Variants in COL22A1 observed in about 807,000 individuals in gnomAD.
The protein encoded by COL22A1 is collagen alpha-1(XXII) chain.
A neutral mutation model predicts 248.9 loss-of-function variants in COL22A1; 221 were observed. The ratio of observed to expected loss-of-function variants is 0.89; its 90% CI spans 0.80 to 0.99. The LOEUF (loss-of-function observed/expected upper bound fraction) is 0.99. Among genes scored for constraint, COL22A1 ranks in the 50% least tolerant of loss-of-function variants. COL22A1 has a pLI of 0.00. For missense variants in COL22A1, 2,240 were observed against 2,179.0 expected (o/e 1.03, Z -0.56); for synonymous variants, 891 against 793.4 (o/e 1.12, Z -2.07).
chr8:138,901,358 GTTTTTTTTTTGTTTT>G (rs551672641), intron 1 of COL22A1, among the ~76,000 whole-genome samples: 3,221 of 131,530 alleles, frequency 0.024, 71 homozygotes, highest in Non-Finnish European at 0.03. Flanking sequence ...TTACTGGCAG[GTTTTTTTTTTGTTTT>G]TTTTTTTTTT....
At chr8:138,856,285 G>A (rs569951291) in intron 3 of COL22A1, among the ~76,000 whole-genome samples, 1 of 152,342 alleles carries the variant, frequency 6.6e-6, no homozygotes, top group South Asian at 2.1e-4. Context: ...GGGCTGCACT[G>A]TTCACTGTAT....
chr8:138,883,624 T>C (rs549283825), intron 1 of COL22A1, among the ~76,000 whole-genome samples: 5 of 152,270 alleles, frequency 3.3e-5, no homozygotes, highest in Non-Finnish European at 5.9e-5. Flanking sequence ...GATTGGATCA[T>C]GGGGGCAGTT....
intron 11 of COL22A1, 119 bp from the exon 12 acceptor site, chr8:138,796,976 A>T (rs537721788): frequency 1.4e-6 from 1 of 740,172 alleles, no homozygotes. Context: ...AGCTCTGCCC[A>T]GTAGCCACTA....
At chr8:138,684,096 A>G (rs1826158157) in intron 39 of COL22A1, among the ~76,000 whole-genome samples, 1 of 151,968 alleles carries the variant, frequency 6.6e-6, no homozygotes, top group Admixed American at 6.6e-5. Flanking sequence ...CATCTCTACT[A>G]AAAATATACA....
intron 59 of COL22A1, among the ~76,000 whole-genome samples, chr8:138,603,810 A>C (rs567892216): frequency 6.6e-6 from 1 of 152,218 alleles, no homozygotes; most frequent in Non-Finnish European, 1.5e-5. Context: ...CCTGAAGTTA[A>C]GAACGTGACC....
intron 12 of COL22A1, among the ~76,000 whole-genome samples, chr8:138,786,878 T>G (rs1331203837): frequency 6.6e-6 from 1 of 152,000 alleles, no homozygotes; most frequent in Non-Finnish European, 1.5e-5. Flanking sequence ...CACTCCAGCC[T>G]GGCAGCCTGG....
chr8:138,828,574 TC>T (rs1819779479), intron 5 of COL22A1, among the ~76,000 whole-genome samples: 1 of 152,074 alleles, frequency 6.6e-6, no homozygotes, highest in East Asian at 1.9e-4. Flanking sequence ...AAAATACATA[TC>T]TTTTGAGAGC....
At chr8:138,805,850 G>A (rs372712159) in intron 10 of COL22A1, among the ~76,000 whole-genome samples, 3 of 147,432 alleles carry the variant, frequency 2.0e-5, no homozygotes, top group Non-Finnish European at 4.5e-5. Flanking sequence ...GTGTGTATGT[G>A]TGATGGTGTG....
At chr8:138,813,692 G>A (rs528950426) in intron 7 of COL22A1, among the ~76,000 whole-genome samples, 3 of 149,854 alleles carry the variant, frequency 2.0e-5, no homozygotes, top group East Asian at 2.0e-4. Flanking sequence ...CCAGCGTTTC[G>A]TTCTACACTG....
In COL22A1 at chr8:138,591,411, G is replaced by A. The variant is rs1564069835; in HGVS notation, c.4693+13C>T. The A allele has an allele frequency of 6.4e-7, 1 of 1,569,802 alleles. No individual in the cohort carries two copies. The highest frequency in any genetic ancestry group is 1.8e-5 in the Admixed American group (1 of 54,672). On this transcript the variant is annotated intron_variant, in intron 64 of 64. Transcript: ENST00000303045. ...CTCACACCCTACCCCTGAGACTGCA[G>A]AATGAGTCATACCTGGGATTCCAGG...
intron 39 of COL22A1, among the ~76,000 whole-genome samples, 166 bp downstream of exon 39, chr8:138,684,259 G>GAA (rs5895552): frequency 7.6e-6 from 1 of 130,722 alleles, no homozygotes; most frequent in Non-Finnish European, 1.7e-5. Flanking sequence ...GTAAGATTTC[G>GAA]AAAAAAAAAA....
At chr8:138,602,307 C>T in intron 59 of COL22A1, 148 bp from the exon 60 acceptor site, 2 of 740,926 alleles carry the variant, frequency 2.7e-6, no homozygotes, top group Non-Finnish European at 4.5e-6. Flanking sequence ...TGATTTATGC[C>T]TACATGGTGG....
chr8:138,844,233 A>T (rs1821077754), intron 3 of COL22A1, 75 bp from the exon 4 acceptor site: 2 of 1,332,652 alleles, frequency 1.5e-6, no homozygotes, highest in Non-Finnish European at 2.2e-6. Flanking sequence ...ATGACAGCAC[A>T]CAAGACCCCA....
chr8:138,765,598 T>C (rs1285586902), intron 16 of COL22A1, among the ~76,000 whole-genome samples: 1 of 152,216 alleles, frequency 6.6e-6, no homozygotes, highest in African/African-American at 2.4e-5. Context: ...AATGGAAACA[T>C]AGCTATGGAG....
At chr8:138,646,760 C>G in intron 46 of COL22A1, 78 bp from the exon 47 acceptor site, 1 of 1,015,978 alleles carries the variant, frequency 9.8e-7, no homozygotes, top group Non-Finnish European at 1.4e-6. Flanking sequence ...ACCATGCCAT[C>G]AGCCTCGTAC....
rs1832910998 is a variant in COL22A1 at position 138,755,332 on chromosome 8, A to G, written c.1978-122T>C. ...TTTCCAAGTTCTCGATAGGGAGTAG[A>G]GGTATGGGAGTGGGTATTTGCATTT... On this transcript the variant is annotated intron_variant, in intron 20 of 64. Transcript: ENST00000303045. 11 of 1,265,772 alleles carry G rather than the reference A, an allele frequency of 8.7e-6. No homozygotes were observed. In the Admixed American group the frequency reaches 1.5e-4, roughly 18 times the overall value. The allele number at this position is 1,265,772 out of a possible 1,614,324, so 78.4% of individuals were successfully genotyped here.
intron 12 of COL22A1, among the ~76,000 whole-genome samples, chr8:138,786,814 G>A (rs778260324): frequency 3.3e-5 from 5 of 152,188 alleles, no homozygotes; most frequent in Non-Finnish European, 7.3e-5. Context: ...TGAGGCAGGA[G>A]AATTGCTTGA....
At chr8:138,671,463 G>A (rs1251925522) in intron 41 of COL22A1, among the ~76,000 whole-genome samples, 1 of 152,194 alleles carries the variant, frequency 6.6e-6, no homozygotes. Context: ...ATTGTGGTGA[G>A]CTCAAGTGTT....
At chr8:138,818,086 G>C (rs1457795219) in intron 7 of COL22A1, among the ~76,000 whole-genome samples, 2 of 152,210 alleles carry the variant, frequency 1.3e-5, no homozygotes, top group African/African-American at 4.8e-5. Flanking sequence ...ACCAGGGTTA[G>C]AAGGATCTAA....
Sources: gnomAD v4.1 joint callset for allele counts (sites outside exome capture counted in the v4.1 genomes callset) on GRCh38, gnomAD v4.1.1 for gene constraint, MANE v1.5 for transcripts, NCBI Gene and HGNC (gene_info 2026-07-23, HGNC 2026-07-21) for gene names.